The following PPP2R2B variants were observed in gnomAD, a reference collection of about 807,000 sequenced individuals.
PPP2R2B encodes the protein protein phosphatase 2 regulatory subunit Bbeta.
In PPP2R2B, 5 loss-of-function variants were observed where a neutral mutation model predicts 46.0. That is an observed-to-expected ratio of 0.11 (90% CI 0.06 to 0.23). The LOEUF (loss-of-function observed/expected upper bound fraction) is 0.23. Ranked by LOEUF, PPP2R2B falls within the 10% of genes least tolerant of loss-of-function variation. PPP2R2B has a pLI of 1.00. For synonymous variants in PPP2R2B, 215 were observed against 206.7 expected (o/e 1.04, Z -0.34); for missense variants, 367 against 575.0 (o/e 0.64, Z 3.70).
At chr5:146,858,988 T>C (rs1337645904) in intron 2 of PPP2R2B, among the ~76,000 whole-genome samples, 1 of 152,186 alleles carries the variant, frequency 6.6e-6, no homozygotes, top group South Asian at 2.1e-4. Context: ...GTCAGTGTCT[T>C]ACAGAGAGTC....
chr5:146,948,336 A>C (rs1430012435), intron 1 of PPP2R2B, among the ~76,000 whole-genome samples: 1 of 152,056 alleles, frequency 6.6e-6, no homozygotes. Context: ...TTCCTCATTT[A>C]TACAACGAGG....
intron 5 of PPP2R2B, among the ~76,000 whole-genome samples, chr5:146,653,673 C>T: frequency 6.6e-6 from 1 of 152,116 alleles, no homozygotes; most frequent in Non-Finnish European, 1.5e-5. Flanking sequence ...GAGCATGCAG[C>T]CAGGAACAAG....
intron 1 of PPP2R2B, among the ~76,000 whole-genome samples, chr5:146,896,825 A>G (rs1312035680): frequency 6.6e-6 from 1 of 152,138 alleles, no homozygotes; most frequent in Non-Finnish European, 1.5e-5. Context: ...GCTGTTTAGT[A>G]TAATTGGGGA....
intron 2 of PPP2R2B, among the ~76,000 whole-genome samples, chr5:146,704,638 T>G (rs1447574518): frequency 6.6e-6 from 1 of 152,210 alleles, no homozygotes; most frequent in East Asian, 1.9e-4. Flanking sequence ...TTTGCCTTGC[T>G]CCAAATCTAT....
intron 2 of PPP2R2B, among the ~76,000 whole-genome samples, chr5:146,722,561 G>T (rs1358187830): frequency 1.3e-5 from 2 of 152,166 alleles, no homozygotes; most frequent in Non-Finnish European, 2.9e-5. Context: ...TACAAAATAT[G>T]CTACAAAGAA....
chr5:146,913,259 G>C (rs1763257196), intron 1 of PPP2R2B, among the ~76,000 whole-genome samples: 1 of 152,186 alleles, frequency 6.6e-6, no homozygotes, highest in South Asian at 2.1e-4. Context: ...AGGATGGTAG[G>C]AGAAGGCAGA....
chr5:146,992,049 A>G (rs997617132), intron 1 of PPP2R2B, among the ~76,000 whole-genome samples: 5 of 152,182 alleles, frequency 3.3e-5, no homozygotes, highest in African/African-American at 1.2e-4. Context: ...GGAACTACAA[A>G]AAATCCCAAA....
chr5:146,678,084 T>C (rs772272541), intron 5 of PPP2R2B, among the ~76,000 whole-genome samples: 2 of 152,164 alleles, frequency 1.3e-5, no homozygotes, highest in African/African-American at 4.8e-5. Context: ...TTAAAAGCCA[T>C]TGCTGTTGGG....
intron 7 of PPP2R2B, among the ~76,000 whole-genome samples, chr5:146,602,464 A>AAAG (rs978341341): frequency 3.9e-4 from 59 of 152,308 alleles, no homozygotes; most frequent in African/African-American, 1.4e-3. Flanking sequence ...TTTGACCTAC[A>AAAG]AAGATGGCAA....
intron 2 of PPP2R2B, among the ~76,000 whole-genome samples, chr5:146,797,746 T>C (rs944791361): frequency 6.6e-6 from 1 of 152,130 alleles, no homozygotes; most frequent in East Asian, 1.9e-4. Context: ...AAACATTATC[T>C]CCCTCTTTGT....
At chr5:146,851,936 A>G (rs1366658327) in intron 2 of PPP2R2B, among the ~76,000 whole-genome samples, 2 of 152,148 alleles carry the variant, frequency 1.3e-5, no homozygotes, top group Non-Finnish European at 2.9e-5. Context: ...CTTGATAATC[A>G]TTAAAATCCT....
In PPP2R2B at chr5:146,808,994, T is replaced by TGTGTGTGTGTGCGC. The variant is rs1442659063; in HGVS notation, c.70+69007_70+69008insGCGCACACACACAC. Among the ~76,000 whole-genome samples the TGTGTGTGTGTGCGC allele has an allele frequency of 2.0e-4, 27 of 134,492 alleles. 1 individual carries two copies. Among genetic ancestry groups the TGTGTGTGTGTGCGC allele is most frequent in the African/African-American group, 6.9e-4 (26 of 37,738 alleles). The allele number at this position is 134,492 out of a possible 152,430, so 88.2% of individuals were successfully genotyped here. A position where few individuals can be genotyped will look rare whatever the true frequency, so the allele number is the denominator to read the frequency against. Reference sequence around the variant, plus strand: ...GTGTGTGTGTGTGTGTGTGTGTGTGTGCGCGCGCACCCACTTCTCCAGTGA... The same window carrying TGTGTGTGTGTGCGC: ...GTGTGTGTGTGTGTGTGTGTGTGTGTGTGTGTGTGTGCGCGCGCGCGCACCCACTTCTCCAGTGA... On this transcript the variant is annotated intron_variant, in intron 2 of 9. Transcript: ENST00000394411.
chr5:146,605,127 G>A (rs982458028), intron 7 of PPP2R2B, among the ~76,000 whole-genome samples: 2 of 152,140 alleles, frequency 1.3e-5, no homozygotes, highest in Non-Finnish European at 2.9e-5. Context: ...CTATTCATAG[G>A]TTTTAGTACT....
At chr5:146,636,803 C>G (rs903264970) in intron 7 of PPP2R2B, among the ~76,000 whole-genome samples, 5 of 152,190 alleles carry the variant, frequency 3.3e-5, no homozygotes, top group African/African-American at 1.2e-4. Context: ...CCCAAGATTC[C>G]CCTTTCCCCC....
intron 1 of PPP2R2B, among the ~76,000 whole-genome samples, chr5:147,040,072 G>C (rs1488316145): frequency 6.6e-6 from 1 of 152,062 alleles, no homozygotes; most frequent in African/African-American, 2.4e-5. Context: ...CTTATAAAAA[G>C]CTAAAATTCA....
chr5:146,803,936 G>T (rs971391294), intron 2 of PPP2R2B, among the ~76,000 whole-genome samples: 1 of 152,124 alleles, frequency 6.6e-6, no homozygotes, highest in Admixed American at 6.5e-5. Context: ...GGGAGGCCGA[G>T]GCAGGCAGAT....
intron 2 of PPP2R2B, among the ~76,000 whole-genome samples, chr5:146,774,167 T>G (rs1304304095): frequency 6.6e-6 from 1 of 152,194 alleles, no homozygotes; most frequent in Admixed American, 6.5e-5. Flanking sequence ...TGTGTTTTAG[T>G]TTTCTGAAAA....
At chr5:146,844,209 C>A (rs1383931810) in intron 2 of PPP2R2B, among the ~76,000 whole-genome samples, 1 of 37,570 alleles carries the variant, frequency 2.7e-5, no homozygotes, top group East Asian at 6.0e-4. Flanking sequence ...GTGGTGGGGT[C>A]GGGGGAGGGG....
At chr5:147,079,721 C>T (rs1757918023) in intron 2 of PPP2R2B, among the ~76,000 whole-genome samples, 1 of 151,712 alleles carries the variant, frequency 6.6e-6, no homozygotes, top group Non-Finnish European at 1.5e-5. Context: ...AGAGATTAGT[C>T]AATAAGTATA....
Sources: allele counts gnomAD v4.1 joint callset (sites outside exome capture counted in the v4.1 genomes callset), GRCh38; gene constraint gnomAD v4.1.1; transcripts MANE v1.5; gene names NCBI Gene and HGNC (gene_info 2026-07-23, HGNC 2026-07-21).